The following RHO variants were observed in gnomAD, a reference collection of about 807,000 sequenced individuals.
The protein encoded by RHO is opsin 2, rod pigment.
RHO carries 21 observed loss-of-function variants against 31.2 expected under a neutral mutation model. The ratio of observed to expected loss-of-function variants is 0.67; its 90% CI spans 0.48 to 0.97. RHO has a LOEUF of 0.97. RHO is among the 50% of genes least tolerant of loss of function. The probability of loss-of-function intolerance (pLI) is 0.00; values close to 1 mark genes in which losing one functional copy is unlikely to be tolerated. For synonymous variants in RHO, 211 were observed against 196.6 expected, an observed-to-expected ratio of 1.07 and a Z score of -0.61; for missense variants, 414 against 479.5, an observed-to-expected ratio of 0.86 and a Z score of 1.28.
intron 1 of RHO, 22 bp downstream of exon 1, chr3:129,529,116 G>C (rs375391319): frequency 2.8e-5 from 45 of 1,606,416 alleles, no homozygotes; most frequent in Non-Finnish European, 3.3e-5. Flanking sequence ...GTGTGGGTGG[G>C]GTGTGCAGGA....
chr3:129,530,533 A>ACACAACAC lies in RHO; in HGVS notation c.362-343_362-342insCACAACAC, dbSNP rs1553781099. Among the ~76,000 whole-genome samples the ACACAACAC allele has an allele frequency of 4.6e-3, 568 of 122,894 alleles. 6 individuals carry two copies. Among genetic ancestry groups the ACACAACAC allele is most frequent in the African/African-American group, 0.021 (512 of 24,552 alleles). 80.6% of individuals were successfully genotyped at this position (122,894 alleles called of 152,430 possible). ...CACACACACACACACACACACACACAACACACACACACACACACACACACA... is the reference window on the plus strand; with the variant it reads ...CACACACACACACACACACACACACACACAACACACACACACACACACACACACACACA... On this transcript the variant is annotated intron_variant, in intron 1 of 4. Coordinates refer to ENST00000296271, the MANE Select transcript of RHO (RefSeq NM_000539.3).
intron 2 of RHO, among the ~76,000 whole-genome samples, chr3:129,531,601 G>T (rs1337492670): frequency 6.6e-6 from 1 of 152,142 alleles, no homozygotes; most frequent in African/African-American, 2.4e-5. Context: ...TTCCTCCTCA[G>T]TCTTGCTAGG....
intron 4 of RHO, among the ~76,000 whole-genome samples, chr3:129,533,173 G>A (rs566301956): frequency 8.5e-5 from 13 of 152,170 alleles, no homozygotes; most frequent in African/African-American, 2.7e-4. Context: ...AGGGTTCCTC[G>A]GAGAGGTACC....
At chr3:129,530,430 A>G (rs2084769878) in intron 1 of RHO, among the ~76,000 whole-genome samples, 1 of 151,678 alleles carries the variant, frequency 6.6e-6, no homozygotes, top group Admixed American at 6.6e-5. Context: ...AGGACTGCCA[A>G]TTCTGGGTTT....
At position 129,532,099 on chromosome 3, in the gene RHO, C is replaced by A; in HGVS notation, c.531-152C>A. On this transcript the variant is annotated intron_variant, in intron 2 of 4. Coordinates refer to ENST00000296271, the MANE Select transcript of RHO (RefSeq NM_000539.3). The surrounding 1 kb of genome is among the most constrained non-coding windows in gnomAD (Gnocchi z 5.5). ...AGGTGCATCTGCATCCCCATCTGAT[C>A]CATTCCATCCTGTCACCCAGCCATG... 1.5e-6 allele frequency: 1 copy of A among 652,242 alleles called. No individual in the cohort carries two copies. Among genetic ancestry groups the A allele is most frequent in the South Asian group, 1.7e-5 (1 of 57,342 alleles). The allele number at this position is 652,242 out of a possible 1,614,324, so 40.4% of individuals were successfully genotyped here.
rs746332355 is a variant in RHO at position 129,533,570 on chromosome 3, G to A, written c.937-38G>A. The A allele has an allele frequency of 7.5e-6, 11 of 1,470,940 alleles. No homozygotes were observed. The South Asian group carries it at 1.2e-4, about 17-fold the overall frequency. 91.1% of individuals were successfully genotyped at this position (1,470,940 alleles called of 1,614,324 possible). ...ACGTGCCAGTTCCAAGCACACTGTG[G>A]GCAGCCCTGGCCCTGACTCAAGCCT... On this transcript the variant is annotated intron_variant, in intron 4 of 4. Coordinates refer to ENST00000296271, the MANE Select transcript of RHO (RefSeq NM_000539.3).
chr3:129,529,824 C>T (rs1464022886), intron 1 of RHO, among the ~76,000 whole-genome samples: 2 of 152,208 alleles, frequency 1.3e-5, no homozygotes, highest in Non-Finnish European at 2.9e-5. Context: ...ACAGATCCCA[C>T]TTAACAGAGA....
At position 129,528,796 on chromosome 3, in the gene RHO, C is replaced by T; in HGVS notation, c.63C>T (p.Arg21=). Residue 21 remains arginine, a synonymous_variant, in exon 1 of 5, where the codon CGC becomes CGT. Coordinates refer to ENST00000296271, the MANE Select transcript of RHO (RefSeq NM_000539.3). ...VPFSNATGVV[R]SPFEYPQYYL... The stretch of plus-strand genomic sequence containing the variant: ...TCTCCAATGCGACGGGTGTGGTACG[C>T]AGCCCCTTCGAGTACCCACAGTACT... The T allele has an allele frequency of 6.2e-7, 1 of 1,614,212 alleles. No homozygotes were observed. The highest frequency in any genetic ancestry group is 8.5e-7 in the Non-Finnish European group (1 of 1,180,038).
In RHO at chr3:129,528,666, G is replaced by T. The variant is rs1560045507; in HGVS notation, c.-68G>T. ...AGTCATCCAGCTGGAGCCCTGAGTG[G>T]CTGAGCTCAGGCCTTCGCAGCATTC... On this transcript the variant is annotated 5_prime_UTR_variant, in exon 1 of 5. Coordinates refer to ENST00000296271, the MANE Select transcript of RHO (RefSeq NM_000539.3). 5.0e-6 allele frequency: 8 copies of T among 1,606,900 alleles called. No homozygotes were observed. In the South Asian group the frequency reaches 7.8e-5, roughly 16 times the overall value.
Position 129,532,429 on chromosome 3 carries a change from G to A in RHO, c.696+13G>A, listed in dbSNP as rs376727697. 3.7e-6 allele frequency: 6 copies of A among 1,613,926 alleles called. No individual in the cohort carries two copies. The highest frequency in any genetic ancestry group is 1.1e-5 in the South Asian group (1 of 91,080). On this transcript the variant is annotated intron_variant, in intron 3 of 4. Coordinates refer to ENST00000296271, the MANE Select transcript of RHO (RefSeq NM_000539.3). The surrounding 1 kb of genome is among the most constrained non-coding windows in gnomAD (Gnocchi z 5.5). ...CACCGTCAAGGAGGTACGGGCCGGG[G>A]GGTGGGCGGCCTCACGGCTCTGAGG...
Position 129,533,546 on chromosome 3 carries a change from C to G in RHO, c.937-62C>G, listed in dbSNP as rs1252428841. The G allele has an allele frequency of 6.5e-6, 8 of 1,222,996 alleles. No individual in the cohort carries two copies. The East Asian group carries it at 1.9e-4, about 28-fold the overall frequency. 75.8% of individuals were successfully genotyped at this position (1,222,996 alleles called of 1,614,324 possible). ...AAAGGGTCGGGGCGAACCTCACTAA[C>G]GTGCCAGTTCCAAGCACACTGTGGG... is the stretch of plus-strand genomic sequence containing the variant. On this transcript the variant is annotated intron_variant, in intron 4 of 4. Transcript: ENST00000296271.
Position 129,532,601 on chromosome 3 carries a change from C to T in RHO, c.765C>T (p.Ile255=), listed in dbSNP as rs1286718279. Residue 255 remains isoleucine (I), a synonymous_variant, in exon 4 of 5, where the codon ATC becomes ATT. Transcript: ENST00000296271. The surrounding 1 kb of genome is among the most constrained non-coding windows in gnomAD (Gnocchi z 5.5). ...AGAAGGAGGTCACCCGCATGGTCAT[C>T]ATCATGGTCATCGCTTTCCTGATCT... ...KAEKEVTRMV[I]IMVIAFLICW... The T allele has an allele frequency of 3.7e-6, 6 of 1,614,096 alleles. No homozygotes were observed. The highest frequency in any genetic ancestry group is 1.1e-5 in the South Asian group (1 of 91,092).
rs747369599 is a variant in RHO at position 129,532,225 on chromosome 3, G to A, written c.531-26G>A. On this transcript the variant is annotated intron_variant, in intron 2 of 4. Coordinates refer to ENST00000296271, the MANE Select transcript of RHO (RefSeq NM_000539.3). The surrounding 1 kb of genome is among the most constrained non-coding windows in gnomAD (Gnocchi z 5.5). ...GCTGTTCCCAAGTCCCTCACAGGCAGGGTCTCCCTACCTGCCTGTCCTCAG... is the reference window on the plus strand; with the variant it reads ...GCTGTTCCCAAGTCCCTCACAGGCAAGGTCTCCCTACCTGCCTGTCCTCAG... 6.2e-7 allele frequency: 1 copy of A among 1,611,834 alleles called. No individual in the cohort carries two copies. Among genetic ancestry groups the A allele is most frequent in the Admixed American group, 1.7e-5 (1 of 60,002 alleles).
intron 1 of RHO, among the ~76,000 whole-genome samples, chr3:129,530,533 A>ACACACAACACACACACACACACAC (rs1553781099): frequency 1.6e-5 from 2 of 122,898 alleles, no homozygotes; most frequent in African/African-American, 8.2e-5. Flanking sequence ...ACACACACAC[A>ACACACAACACACACACACACACAC]ACACACACAC....
At chr3:129,530,620 G>C (rs2084773191) in intron 1 of RHO, among the ~76,000 whole-genome samples, 1 of 150,440 alleles carries the variant, frequency 6.6e-6, no homozygotes, top group South Asian at 2.1e-4. Flanking sequence ...TCTGATTCGT[G>C]TCCCTTATGG....
intron 1 of RHO, among the ~76,000 whole-genome samples, chr3:129,530,567 C>A (rs970863466): frequency 6.6e-5 from 10 of 150,964 alleles, no homozygotes; most frequent in Non-Finnish European, 1.2e-4. Context: ...CACACACACA[C>A]AAAACTCCCT....
In RHO at chr3:129,533,721, C is replaced by A. The variant is rs2084801745; in HGVS notation, c.*3C>A. 4 of 1,603,572 alleles carry A rather than the reference C, an allele frequency of 2.5e-6. No homozygotes were observed. In the Admixed American group the frequency reaches 5.0e-5, roughly 20 times the overall value. ...CGAGCCAGGTGGCCCCGGCCTAAGA[C>A]CTGCCTAGGACTCTGTGGCCGACTA... On this transcript the variant is annotated 3_prime_UTR_variant, in exon 5 of 5. Transcript: ENST00000296271.
Position 129,528,781 on chromosome 3 carries a change from G to A in RHO, c.48G>A (p.Ala16=), listed in dbSNP as rs766112074. Residue 16 remains alanine, a synonymous_variant, in exon 1 of 5, where the codon GCG becomes GCA. Coordinates refer to ENST00000296271, the MANE Select transcript of RHO (RefSeq NM_000539.3). ...ACTTCTACGTGCCCTTCTCCAATGC[G>A]ACGGGTGTGGTACGCAGCCCCTTCG... ...GPNFYVPFSN[A]TGVVRSPFEY... The A allele has an allele frequency of 1.1e-5, 18 of 1,614,210 alleles. No homozygotes were observed. The highest frequency in any genetic ancestry group is 2.2e-5 in the East Asian group (1 of 44,892).
intron 1 of RHO, among the ~76,000 whole-genome samples, chr3:129,530,567 C>CAA (rs2084772209): frequency 1.3e-5 from 2 of 150,968 alleles, no homozygotes; most frequent in African/African-American, 4.9e-5. Context: ...CACACACACA[C>CAA]AAAACTCCCT....
Sources: gnomAD v4.1 joint callset for allele counts (sites outside exome capture counted in the v4.1 genomes callset) on GRCh38, gnomAD v4.1.1 for gene constraint, Gnocchi (gnomAD v3.1) non-coding constraint, MANE v1.5 for transcripts, NCBI Gene and HGNC (gene_info 2026-07-23, HGNC 2026-07-21) for gene names.